GRAMD4: variants seen among roughly 807,000 people sequenced by gnomAD.
GRAMD4 encodes the protein GRAM domain containing 4, also known as GRAM domain-containing protein 4.
A neutral mutation model predicts 83.9 loss-of-function variants in GRAMD4; 25 were observed. That is an observed-to-expected ratio of 0.30 (90% CI 0.22 to 0.42). GRAMD4 has a LOEUF of 0.42. Ranked by LOEUF, GRAMD4 falls within the 10% of genes least tolerant of loss-of-function variation. The pLI, the probability that GRAMD4 is intolerant of heterozygous loss-of-function variation, is 1.00. For missense variants in GRAMD4, 593 were observed against 788.7 expected (o/e 0.75, Z 2.97); for synonymous variants, 336 against 320.9 (o/e 1.05, Z -0.50).
At chr22:46,666,920 G>A (rs748514516) in intron 10 of GRAMD4, 47 bp downstream of exon 10, 45 of 1,391,628 alleles carry the variant, frequency 3.2e-5, no homozygotes, top group South Asian at 5.3e-5. Context: ...TCTCCATCAC[G>A]TCAGGCCTCA....
chr22:46,641,186 C>T (rs571034185), intron 3 of GRAMD4, among the ~76,000 whole-genome samples: 1 of 152,272 alleles, frequency 6.6e-6, no homozygotes, highest in African/African-American at 2.4e-5. Flanking sequence ...GATTCTCTGG[C>T]CTCAGCCTCC....
At chr22:46,589,768 G>A (rs1035316088) in intron 1 of GRAMD4, among the ~76,000 whole-genome samples, 1 of 152,096 alleles carries the variant, frequency 6.6e-6, no homozygotes, top group Non-Finnish European at 1.5e-5. Flanking sequence ...CACTCCTCAG[G>A]TTTCTAGGTG....
intron 1 of GRAMD4, among the ~76,000 whole-genome samples, chr22:46,612,196 G>A (rs1248096539): frequency 6.6e-6 from 1 of 151,908 alleles, no homozygotes; most frequent in Non-Finnish European, 1.5e-5. Flanking sequence ...TCGTAGAGGC[G>A]GGGTCTTGCC....
chr22:46,680,741 CCCATCCATCCATCCACCCACCCAT>C (rs2082663368), downstream of GRAMD4, among the ~76,000 whole-genome samples: 1 of 71,406 alleles, frequency 1.4e-5, no homozygotes, highest in Middle Eastern at 9.6e-3. Flanking sequence ...CATCCACCCA[CCCATCCATCCATCCACCCACCCAT>C]CCATCCATCC....
Position 46,637,869 on chromosome 22 carries a change from A to G in GRAMD4, c.192A>G (p.Thr64=), listed in dbSNP as rs780386765. The G allele has an allele frequency of 6.8e-6, 11 of 1,613,986 alleles. No homozygotes were observed. The Admixed American group carries it at 1.2e-4, about 17-fold the overall frequency. ...PAGPGTLIMA[T]GVQDFNRTEF... Reference sequence around the variant, plus strand: ...GTCCAGGGACCCTCATCATGGCCACAGGAGTCCAGGACTTTAACCGGACAG... The same window carrying G: ...GTCCAGGGACCCTCATCATGGCCACGGGAGTCCAGGACTTTAACCGGACAG... Residue 64 remains threonine, a synonymous_variant, in exon 3 of 19, where the codon ACA becomes ACG. Transcript: ENST00000406902.
chr22:46,582,760 C>T (rs551295522), intron 1 of GRAMD4, among the ~76,000 whole-genome samples: 1 of 152,304 alleles, frequency 6.6e-6, no homozygotes, highest in East Asian at 1.9e-4. Flanking sequence ...GTAATTCACA[C>T]ATCATACAAC....
Position 46,675,444 on chromosome 22 carries a change from C to T in GRAMD4, c.1479-24C>T, listed in dbSNP as rs115358516. 1.2e-3 allele frequency: 1,868 copies of T among 1,563,464 alleles called. 31 individuals carry two copies. The African/African-American group carries it at 0.022, about 19-fold the overall frequency. On this transcript the variant is annotated intron_variant, in intron 16 of 18. Coordinates refer to ENST00000406902, the MANE Select transcript of GRAMD4 (RefSeq NM_015124.5). The stretch of plus-strand genomic sequence containing the variant: ...GTGCTCTGGTTCAAGAGCCAGGCGA[C>T]GCCTCTGTCCGTTCCCCTTCCAGTT...
intron 1 of GRAMD4, among the ~76,000 whole-genome samples, chr22:46,594,706 A>G (rs1486163043): frequency 6.6e-6 from 1 of 151,444 alleles, no homozygotes; most frequent in Non-Finnish European, 1.5e-5. Context: ...GGAGGGCCGG[A>G]CTGGAGATGG....
intron 1 of GRAMD4, among the ~76,000 whole-genome samples, chr22:46,596,110 A>G (rs2081259832): frequency 6.6e-6 from 1 of 152,270 alleles, no homozygotes; most frequent in South Asian, 2.1e-4. Flanking sequence ...GTTCTGGATC[A>G]GCACCATGAC....
chr22:46,678,533 C>T lies in GRAMD4; in HGVS notation c.*1282C>T. 3.0e-6 allele frequency: 3 copies of T among 985,408 alleles called. No homozygotes were observed. The highest frequency in any genetic ancestry group is 5.2e-4 in the Middle Eastern group (1 of 1,914). 61.0% of individuals were successfully genotyped at this position (985,408 alleles called of 1,614,324 possible). The stretch of plus-strand genomic sequence containing the variant: ...GGGAGGGAAAGGCGGCTTGGGCCTC[C>T]TGGAAGGAGGTGGCCACCCCGCGGG... On this transcript the variant is annotated 3_prime_UTR_variant, in exon 19 of 19. Coordinates refer to ENST00000406902, the MANE Select transcript of GRAMD4 (RefSeq NM_015124.5).
intron 10 of GRAMD4, among the ~76,000 whole-genome samples, chr22:46,667,596 G>A (rs370244067): frequency 6.6e-6 from 1 of 152,246 alleles, no homozygotes; most frequent in African/African-American, 2.4e-5. Context: ...CAGAAGGGAG[G>A]CCTCGGTGCC....
chr22:46,677,251 G>A lies in GRAMD4; in HGVS notation c.1737G>A (p.Ter579=). The A allele has an allele frequency of 6.2e-7, 1 of 1,604,264 alleles. No individual in the cohort carries two copies. The highest frequency in any genetic ancestry group is 8.5e-7 in the Non-Finnish European group (1 of 1,177,356). Residue 579 remains the stop codon, a stop_retained_variant, in exon 19 of 19, where the codon TAG becomes TAA. Transcript: ENST00000406902. ...CGGCAGCGTCTGGCGGGGACAGCTA[G>A]TATTGACTTGCCCAGGACGTTGCTG... is the stretch of plus-strand genomic sequence containing the variant. ...TSAAASGGDS[*] is the part of the protein sequence containing the mutation.
chr22:46,682,488 C>A (rs79919890), downstream of GRAMD4: 2 of 969,626 alleles, frequency 2.1e-6, no homozygotes, highest in Non-Finnish European at 1.2e-6. Flanking sequence ...CTCTCGAAGA[C>A]CTGCCTGTAG....
At chr22:46,589,670 C>G (rs1441851048) in intron 1 of GRAMD4, among the ~76,000 whole-genome samples, 2 of 152,134 alleles carry the variant, frequency 1.3e-5, no homozygotes, top group Non-Finnish European at 2.9e-5. Flanking sequence ...GGCTACCCCC[C>G]AGTCCCGCTC....
chr22:46,669,048 A>G (rs143523050), intron 13 of GRAMD4, 140 bp downstream of exon 13: 310 of 610,900 alleles, frequency 5.1e-4, no homozygotes, highest in African/African-American at 5.0e-3. Flanking sequence ...CAAATGTTTC[A>G]ATTTGGGAGA....
chr22:46,576,034 G>C (rs2081040419), upstream of GRAMD4: 1 of 153,186 alleles, frequency 6.5e-6, no homozygotes, highest in South Asian at 2.1e-4. Flanking sequence ...TCCAGGTCTG[G>C]AGTCTTTGGA....
At position 46,638,221 on chromosome 22, in the gene GRAMD4, G is replaced by A. The variant is rs372971840; in HGVS notation, c.283+261G>A. 1.0e-3 allele frequency among the ~76,000 whole-genome samples: 159 copies of A among 152,378 alleles called. 1 individual carries two copies. Among genetic ancestry groups the A allele is most frequent in the Non-Finnish European group, 1.6e-3 (108 of 68,030 alleles). On this transcript the variant is annotated intron_variant, in intron 3 of 18. Coordinates refer to ENST00000406902, the MANE Select transcript of GRAMD4 (RefSeq NM_015124.5). ...AGGTTGCTCCACAGGGGCTGGGGGC[G>A]TGGGGGCCTTTCCCCTGCGGGGTAA...
upstream of GRAMD4, among the ~76,000 whole-genome samples, chr22:46,576,870 CGTGGGT>C (rs1158160673): frequency 2.1e-5 from 3 of 141,888 alleles, no homozygotes; most frequent in African/African-American, 7.7e-5. Context: ...CGCGCGTGCG[CGTGGGT>C]GCGAGCGGCG....
chr22:46,668,171 C>T lies in GRAMD4; in HGVS notation c.930+4C>T. Reference sequence around the variant, plus strand: ...GGACGTCGCCCAGAAAGCCCAGGTACTGCCACGGGCGCCGGCCAGGGGTGT... The same window carrying T: ...GGACGTCGCCCAGAAAGCCCAGGTATTGCCACGGGCGCCGGCCAGGGGTGT... On this transcript the variant is annotated splice_donor_region_variant and intron_variant, in intron 11 of 18. Transcript: ENST00000406902. 1 of 1,606,924 alleles carries T rather than the reference C, an allele frequency of 6.2e-7. No homozygotes were observed. Among genetic ancestry groups the T allele is most frequent in the South Asian group, 1.1e-5 (1 of 90,922 alleles).
Sources: allele counts gnomAD v4.1 joint callset (sites outside exome capture counted in the v4.1 genomes callset), GRCh38; gene constraint gnomAD v4.1.1; transcripts MANE v1.5; gene names NCBI Gene and HGNC (gene_info 2026-07-23, HGNC 2026-07-21).